The following TNFSF4 variants were observed in gnomAD, a reference collection of about 807,000 sequenced individuals.
TNFSF4 encodes the protein tumor necrosis factor ligand superfamily member 4.
A neutral mutation model predicts 7.3 loss-of-function variants in TNFSF4; 4 were observed. The observed-to-expected ratio is 0.55, with a 90% CI of 0.27 to 1.25. The LOEUF (loss-of-function observed/expected upper bound fraction) is 1.25. TNFSF4 is among the 50% of genes most tolerant of loss of function. TNFSF4 has a pLI of 0.12. For synonymous variants in TNFSF4, 76 were observed against 83.7 expected (o/e 0.91, Z 0.50); for missense variants, 181 against 208.8 (o/e 0.87, Z 0.82).
the TNFSF4 span, among the ~76,000 whole-genome samples, chr1:173,385,228 A>C: frequency 6.6e-6 from 1 of 152,230 alleles, no homozygotes; most frequent in Non-Finnish European, 1.5e-5. Flanking sequence ...AAATTCTACC[A>C]ACTAGTGGCA....
chr1:173,408,185 A>G, the TNFSF4 span, among the ~76,000 whole-genome samples: 1 of 152,234 alleles, frequency 6.6e-6, no homozygotes, highest in Non-Finnish European at 1.5e-5. Context: ...ATTTTCCATG[A>G]AAAAGAGCCA....
chr1:173,443,487 A>C, the TNFSF4 span, among the ~76,000 whole-genome samples: 4 of 152,218 alleles, frequency 2.6e-5, no homozygotes, highest in South Asian at 2.1e-4. Flanking sequence ...CAAGATTTTC[A>C]AGATATATTA....
the TNFSF4 span, among the ~76,000 whole-genome samples, chr1:173,255,913 TAAC>T: frequency 6.6e-6 from 1 of 152,164 alleles, no homozygotes; most frequent in Non-Finnish European, 1.5e-5. Flanking sequence ...ACCATTGTAA[TAAC>T]ATCATCATTT....
chr1:173,371,321 T>G, the TNFSF4 span, among the ~76,000 whole-genome samples: 1 of 152,218 alleles, frequency 6.6e-6, no homozygotes, highest in Non-Finnish European at 1.5e-5. Context: ...GTTATGCCTG[T>G]AAGTCCCACA....
chr1:173,439,207 T>G, the TNFSF4 span, among the ~76,000 whole-genome samples: 1 of 152,208 alleles, frequency 6.6e-6, no homozygotes, highest in Admixed American at 6.5e-5. Context: ...ACAAAGAGCT[T>G]CTTTCCTAAT....
At chr1:173,224,104 A>G in the TNFSF4 span, among the ~76,000 whole-genome samples, 52 of 152,228 alleles carry the variant, frequency 3.4e-4, no homozygotes, top group African/African-American at 1.2e-3. Flanking sequence ...AGGGTAATTT[A>G]TTGTCCAAAC....
At chr1:173,232,690 T>C in the TNFSF4 span, among the ~76,000 whole-genome samples, 2 of 152,194 alleles carry the variant, frequency 1.3e-5, no homozygotes, top group Non-Finnish European at 2.9e-5. Context: ...GGCTGTTGGA[T>C]TTTGTCGAAG....
the TNFSF4 span, among the ~76,000 whole-genome samples, chr1:173,403,375 A>G: frequency 6.6e-6 from 1 of 152,172 alleles, no homozygotes; most frequent in African/African-American, 2.4e-5. Flanking sequence ...ATGCATTTTT[A>G]TGCTCCAGGA....
chr1:173,242,693 TAGTC>T, the TNFSF4 span, among the ~76,000 whole-genome samples: 5 of 151,750 alleles, frequency 3.3e-5, no homozygotes, highest in African/African-American at 1.2e-4. Flanking sequence ...AATGGGCAAA[TAGTC>T]AGAGAGAGAT....
the TNFSF4 span, chr1:173,351,833 G>A: frequency 4.9e-6 from 3 of 609,766 alleles, no homozygotes; most frequent in Non-Finnish European, 9.1e-6. Context: ...GGGTGCAGCA[G>A]GAAAAGGCCA....
the TNFSF4 span, among the ~76,000 whole-genome samples, chr1:173,397,733 G>C: frequency 6.6e-6 from 1 of 152,154 alleles, no homozygotes. Context: ...TTTGGAAAAG[G>C]CTTCCACTTT....
the TNFSF4 span, among the ~76,000 whole-genome samples, chr1:173,289,077 C>G: frequency 6.6e-6 from 1 of 152,020 alleles, no homozygotes; most frequent in African/African-American, 2.4e-5. Flanking sequence ...CAGAAAGGAG[C>G]TCTGTGAGTT....
chr1:173,319,564 G>T, the TNFSF4 span, among the ~76,000 whole-genome samples: 1 of 152,248 alleles, frequency 6.6e-6, no homozygotes, highest in African/African-American at 2.4e-5. Context: ...CTGACTGGGA[G>T]AGAACACCCA....
At chr1:173,240,964 C>T in the TNFSF4 span, among the ~76,000 whole-genome samples, 2 of 152,194 alleles carry the variant, frequency 1.3e-5, no homozygotes, top group African/African-American at 4.8e-5. Context: ...ATCAGGATTT[C>T]TCTTTCTGCC....
the TNFSF4 span, among the ~76,000 whole-genome samples, chr1:173,217,510 C>T: frequency 4.7e-3 from 712 of 152,238 alleles, 7 homozygotes; most frequent in African/African-American, 0.016. Context: ...TCTACCGTGC[C>T]TGATACATAT....
intron 1 of TNFSF4, among the ~76,000 whole-genome samples, chr1:173,197,006 A>G (rs926307252): frequency 1.3e-5 from 2 of 152,216 alleles, no homozygotes; most frequent in Non-Finnish European, 2.9e-5. Context: ...TTAGTAAATA[A>G]ATGTTGAACT....
chr1:173,311,593 A>T, the TNFSF4 span, among the ~76,000 whole-genome samples: 1 of 152,022 alleles, frequency 6.6e-6, no homozygotes, highest in Admixed American at 6.6e-5. Context: ...CTGGGAAGCC[A>T]CCCTCTAGGG....
chr1:173,222,416 C>T, the TNFSF4 span, among the ~76,000 whole-genome samples: 10 of 152,162 alleles, frequency 6.6e-5, no homozygotes, highest in Admixed American at 2.6e-4. Context: ...TAACCACACA[C>T]GATACAATCA....
the TNFSF4 span, among the ~76,000 whole-genome samples, chr1:173,239,044 T>C: frequency 1.3e-5 from 2 of 152,312 alleles, no homozygotes; most frequent in East Asian, 3.9e-4. Context: ...ATCTCCAAGA[T>C]GTTGATGGTG....
Sources: gnomAD v4.1 joint callset for allele counts (sites outside exome capture counted in the v4.1 genomes callset) on GRCh38, gnomAD v4.1.1 for gene constraint, MANE v1.5 for transcripts, NCBI Gene and HGNC (gene_info 2026-07-23, HGNC 2026-07-21) for gene names.